The following PDE9A variants were observed in gnomAD, a reference collection of about 807,000 sequenced individuals.
PDE9A encodes phosphodiesterase 9A.
In PDE9A, 60 loss-of-function variants were observed where a neutral mutation model predicts 87.4. That is an observed-to-expected ratio of 0.69 (90% CI 0.56 to 0.85). The LOEUF (loss-of-function observed/expected upper bound fraction) is 0.85. Among genes scored for constraint, PDE9A ranks in the 40% least tolerant of loss-of-function variants. The probability of loss-of-function intolerance (pLI) is 0.00; values close to 1 mark genes in which losing one functional copy is unlikely to be tolerated. For synonymous variants in PDE9A, 272 were observed against 279.4 expected, an observed-to-expected ratio of 0.97 and a Z score of 0.27; for missense variants, 665 against 779.0, an observed-to-expected ratio of 0.85 and a Z score of 1.74.
rs1430655222 is a variant in PDE9A, at chr21:42,704,271, C to T, written c.262+5260C>T. 6.6e-6 allele frequency among the ~76,000 whole-genome samples: 1 copy of T among 152,168 alleles called. No homozygotes were observed. The highest frequency in any genetic ancestry group is 2.4e-5 in the African/African-American group (1 of 41,444). ...CAGGGGAGCTGCATTTTCCTAGCAG[C>T]GACAACCCCTCCCACATCTCCATAG... On this transcript the variant is annotated intron_variant, in intron 4 of 19. Coordinates refer to ENST00000291539, the MANE Select transcript of PDE9A (RefSeq NM_002606.3). The surrounding 1 kb of genome is among the most constrained non-coding windows in gnomAD (Gnocchi z 5.3).
At chr21:42,772,938 A>G (rs1314225017) in intron 19 of PDE9A, among the ~76,000 whole-genome samples, 1 of 150,952 alleles carries the variant, frequency 6.6e-6, no homozygotes, top group African/African-American at 2.4e-5. Context: ...GACCAAATGA[A>G]TGGAAATTTT....
Position 42,775,454 on chromosome 21 carries a change from C to T in PDE9A, c.*161C>T. 1 of 562,482 alleles carries T rather than the reference C, an allele frequency of 1.8e-6. No individual in the cohort carries two copies. Among genetic ancestry groups the T allele is most frequent in the Admixed American group, 3.5e-5 (1 of 28,222 alleles). 34.8% of individuals were successfully genotyped at this position (562,482 alleles called of 1,614,324 possible). A position where few individuals can be genotyped will look rare whatever the true frequency, so the allele number is the denominator to read the frequency against. On this transcript the variant is annotated 3_prime_UTR_variant, in exon 20 of 20. Coordinates refer to ENST00000291539, the MANE Select transcript of PDE9A (RefSeq NM_002606.3). The stretch of plus-strand genomic sequence containing the variant: ...AAAAAAAAAAAAGGAATTCATGATG[C>T]TGTACAGAATTTTATTTTTAAACTG...
intron 4 of PDE9A, among the ~76,000 whole-genome samples, chr21:42,712,834 A>G (rs1006115659): frequency 6.6e-6 from 1 of 152,206 alleles, no homozygotes; most frequent in Non-Finnish European, 1.5e-5. Flanking sequence ...TTGTCCCATA[A>G]AGAGGTATTG....
chr21:42,672,260 C>T (rs1056161120), intron 1 of PDE9A, among the ~76,000 whole-genome samples: 3 of 152,256 alleles, frequency 2.0e-5, no homozygotes, highest in Non-Finnish European at 2.9e-5. Flanking sequence ...GTGCAGCACG[C>T]ACCCCTGGAG....
chr21:42,765,015 A>G (rs957407085), intron 14 of PDE9A, among the ~76,000 whole-genome samples: 4 of 145,826 alleles, frequency 2.7e-5, no homozygotes, highest in Non-Finnish European at 4.5e-5. Context: ...GGATGGATGG[A>G]TGGATGGGTG....
At chr21:42,742,527 G>A (rs1232318703) in intron 7 of PDE9A, among the ~76,000 whole-genome samples, 10 of 145,938 alleles carry the variant, frequency 6.9e-5, no homozygotes, top group African/African-American at 2.3e-4. Flanking sequence ...GTACAGTGGC[G>A]TGATCTCGGC....
Position 42,760,446 on chromosome 21 carries a change from G to GCTGCACA in PDE9A, c.1002+16_1002+22dup. On this transcript the variant is annotated intron_variant, in intron 12 of 19. Transcript: ENST00000291539. This position sits in a 1 kb window ranked among gnomAD's most constrained non-coding sequence, Gnocchi z 5.2. ...TGCAGTCTCCAGGTGGGTCCTGCCC[G>GCTGCACA]CTGCACACCCAGACCTCTACTCTCG... The GCTGCACA allele has an allele frequency of 6.9e-7, 1 of 1,449,670 alleles. No individual in the cohort carries two copies. Among genetic ancestry groups the GCTGCACA allele is most frequent in the Non-Finnish European group, 9.6e-7 (1 of 1,039,240 alleles). The allele number at this position is 1,449,670 out of a possible 1,614,324, so 89.8% of individuals were successfully genotyped here.
At chr21:42,775,147 G>T in intron 19 of PDE9A, 133 bp from the exon 20 acceptor site, 2 of 727,288 alleles carry the variant, frequency 2.7e-6, no homozygotes, top group Admixed American at 4.8e-5. Flanking sequence ...TCACCATGTT[G>T]GTCAGCCTGG....
At chr21:42,753,901 A>C in intron 9 of PDE9A, 89 bp from the exon 10 acceptor site, 4 of 667,050 alleles carry the variant, frequency 6.0e-6, no homozygotes, top group Non-Finnish European at 1.0e-5. Context: ...AAGAAAGAGA[A>C]CGGGAGAAAG....
At chr21:42,728,553 C>A (rs1016592911) in intron 4 of PDE9A, among the ~76,000 whole-genome samples, 5 of 152,178 alleles carry the variant, frequency 3.3e-5, no homozygotes, top group Non-Finnish European at 2.9e-5. Flanking sequence ...CCCACTAAAT[C>A]TTGATATGCA....
intron 14 of PDE9A, 52 bp from the exon 15 acceptor site, chr21:42,765,329 A>T: frequency 9.4e-7 from 1 of 1,058,494 alleles, no homozygotes; most frequent in African/African-American, 1.6e-5. Context: ...GCCTCCGCTG[A>T]ATAATTGTTC....
chr21:42,722,989 G>C lies in PDE9A; in HGVS notation c.263-8781G>C, dbSNP rs955074418. On this transcript the variant is annotated intron_variant, in intron 4 of 19. Coordinates refer to ENST00000291539, the MANE Select transcript of PDE9A (RefSeq NM_002606.3). This position sits in a 1 kb window ranked among gnomAD's most constrained non-coding sequence, Gnocchi z 4.1. ...AGTCAGGCAATGGCTTCTGGGCATC[G>C]TGTGGGGTGGGGGCAGCCCCTGCCC... Among the ~76,000 whole-genome samples, 2 of 152,218 alleles carry C rather than the reference G, an allele frequency of 1.3e-5. No homozygotes were observed. The highest frequency in any genetic ancestry group is 2.9e-5 in the Non-Finnish European group (2 of 68,036).
intron 4 of PDE9A, among the ~76,000 whole-genome samples, chr21:42,715,348 C>T (rs919849632): frequency 6.6e-5 from 10 of 152,194 alleles, no homozygotes; most frequent in Admixed American, 5.2e-4. Flanking sequence ...TGGTTACAGC[C>T]GGGCGCACTG....
intron 16 of PDE9A, chr21:42,768,553 G>T (rs949269847): frequency 8.6e-6 from 11 of 1,285,360 alleles, no homozygotes; most frequent in Non-Finnish European, 9.8e-6. Flanking sequence ...ATTATTACAA[G>T]CAGCCTTGTC....
intron 8 of PDE9A, among the ~76,000 whole-genome samples, chr21:42,750,200 C>T (rs188787856): frequency 1.3e-4 from 20 of 152,284 alleles, no homozygotes; most frequent in Non-Finnish European, 2.9e-5. Flanking sequence ...GTGACTCACA[C>T]CTGTCATCCC....
In PDE9A at chr21:42,659,765, C is replaced by T. The variant is rs9981767; in HGVS notation, c.69+5882C>T. On this transcript the variant is annotated intron_variant, in intron 1 of 19. Transcript: ENST00000291539. The surrounding 1 kb of genome is among the most constrained non-coding windows in gnomAD (Gnocchi z 4.1). Reference sequence around the variant, plus strand: ...CCCCATGAGCCCAGGTCCCACAGCCCGCACCTTCGTCTTCCAGCCAGCCTC... The same window carrying T: ...CCCCATGAGCCCAGGTCCCACAGCCTGCACCTTCGTCTTCCAGCCAGCCTC... Among the ~76,000 whole-genome samples the T allele has an allele frequency of 6.6e-6, 1 of 152,034 alleles. No individual in the cohort carries two copies. The highest frequency in any genetic ancestry group is 2.4e-5 in the African/African-American group (1 of 41,388).
rs1049521759 is a variant in PDE9A at position 42,675,884 on chromosome 21, T to A, written c.70-10308T>A. Among the ~76,000 whole-genome samples the A allele has an allele frequency of 6.6e-6, 1 of 152,200 alleles. No individual in the cohort carries two copies. Among genetic ancestry groups the A allele is most frequent in the African/African-American group, 2.4e-5 (1 of 41,444 alleles). On this transcript the variant is annotated intron_variant, in intron 1 of 19. Transcript: ENST00000291539. This position sits in a 1 kb window ranked among gnomAD's most constrained non-coding sequence, Gnocchi z 4.3. ...CCCGCCAAATCTCATGTTGAATTGG[T>A]ATCCTCAGTGTTGGAGTGGGGCCTG...
intron 1 of PDE9A, among the ~76,000 whole-genome samples, chr21:42,672,142 A>G (rs2058595712): frequency 6.6e-6 from 1 of 152,252 alleles, no homozygotes; most frequent in Non-Finnish European, 1.5e-5. Flanking sequence ...TGAGTATGCA[A>G]TCAGAAATAT....
intron 17 of PDE9A, among the ~76,000 whole-genome samples, chr21:42,770,029 A>C (rs2056886950): frequency 6.6e-6 from 1 of 150,704 alleles, no homozygotes; most frequent in East Asian, 2.0e-4. Context: ...TCCTGTCCCC[A>C]CTCTGCGTCC....
Sources: allele counts gnomAD v4.1 joint callset (sites outside exome capture counted in the v4.1 genomes callset), GRCh38; gene constraint gnomAD v4.1.1; non-coding constraint Gnocchi (gnomAD v3.1); transcripts MANE v1.5; gene names NCBI Gene and HGNC (gene_info 2026-07-23, HGNC 2026-07-21).